The following HTT variants were observed in gnomAD, a reference collection of about 807,000 sequenced individuals.
HTT encodes the protein huntingtin.
In HTT, 104 loss-of-function variants were observed where a neutral mutation model predicts 362.3. The ratio of observed to expected loss-of-function variants is 0.29; its 90% confidence interval spans 0.24 to 0.34. The LOEUF (loss-of-function observed/expected upper bound fraction) is 0.34, where lower values mean the gene tolerates loss of function less well. Among genes scored for constraint, HTT ranks in the 10% least tolerant of loss-of-function variants. The probability of loss-of-function intolerance (pLI) is 1.00; values close to 1 mark genes in which losing one functional copy is unlikely to be tolerated. For missense variants in HTT, 3,301 were observed against 3,928.6 expected, an observed-to-expected ratio of 0.84 and a Z score of 4.27; for synonymous variants, 1,577 against 1,548.7, an observed-to-expected ratio of 1.02 and a Z score of -0.43.
At chr4:3,080,625 T>A (rs1165301615) in intron 1 of HTT, among the ~76,000 whole-genome samples, 4 of 152,252 alleles carry the variant, frequency 2.6e-5, no homozygotes. Context: ...GTTTATCTAT[T>A]TTGTCTTTGG....
rs573478599 is a variant in HTT, at chr4:3,229,991, C to A, written c.8214C>A (p.Leu2738=). 3.1e-5 allele frequency: 50 copies of A among 1,614,016 alleles called. No homozygotes were observed. The highest frequency in any genetic ancestry group is 4.2e-5 in the Non-Finnish European group (49 of 1,179,866). ...TGCACCCTTCAGAAGACGAGATCCT[C>A]GCTCAGTACCTGGTGCCTGCCACCT... The part of the protein sequence containing the change: ...RRVHPSEDEI[L]AQYLVPATCK... Residue 2738 remains leucine, a synonymous_variant, in exon 60 of 67, where the codon CTC becomes CTA. Transcript: ENST00000355072.
chr4:3,171,896 A>G (rs1717997151), intron 29 of HTT, among the ~76,000 whole-genome samples: 1 of 152,228 alleles, frequency 6.6e-6, no homozygotes. Flanking sequence ...AGATTATTTT[A>G]AGACAATTCT....
At chr4:3,195,414 C>G (rs1309234075) in intron 40 of HTT, among the ~76,000 whole-genome samples, 2 of 152,166 alleles carry the variant, frequency 1.3e-5, no homozygotes, top group African/African-American at 4.8e-5. Context: ...ATCCGCCTTC[C>G]TGCCCGCCTC....
At chr4:3,174,409 C>T (rs976685037) in intron 31 of HTT, among the ~76,000 whole-genome samples, 1 of 152,188 alleles carries the variant, frequency 6.6e-6, no homozygotes, top group African/African-American at 2.4e-5. Context: ...TGACCTTCAC[C>T]TTTCTCTCAA....
At chr4:3,105,814 A>G (rs1372016782) in intron 5 of HTT, among the ~76,000 whole-genome samples, 2 of 152,228 alleles carry the variant, frequency 1.3e-5, no homozygotes, top group Non-Finnish European at 1.5e-5. Context: ...ATTGCTGACT[A>G]TAGGAGTTAT....
Position 3,135,909 on chromosome 4 carries a change from T to C in HTT, c.2639T>C (p.Val880Ala). 6.2e-7 allele frequency: 1 copy of C among 1,602,098 alleles called. No homozygotes were observed. The highest frequency in any genetic ancestry group is 2.3e-5 in the East Asian group (1 of 44,312). Residue 880 changes from valine (V) to alanine (A), a missense_variant, in exon 20 of 67, where the codon GTG (valine) becomes GCG (alanine). By Grantham distance (64) the Val-to-Ala change is moderately conservative (BLOSUM62 0). This residue lies in a region of HTT where 2,316 missense variants were observed against 2,658.5 expected (regional missense o/e 0.87). Coordinates refer to ENST00000355072, the MANE Select transcript of HTT (RefSeq NM_001388492.1). Reference protein sequence around the residue: ...ETLAEIDFRLVSFLEAKAENL... With the variant: ...ETLAEIDFRLASFLEAKAENL... ...TAAATGTGCTCTTTTGTTAGGCTGG[T>C]GAGCTTTTTGGAGGCAAAAGCAGAA...
At position 3,243,147 on chromosome 4, in the gene HTT, T is replaced by C. The variant is rs570216430; in HGVS notation, c.*3088T>C. On this transcript the variant is annotated 3_prime_UTR_variant, in exon 67 of 67. Transcript: ENST00000355072. ...AGCCCCACGTGGAGCTCGGGACGGA[T>C]AGTAGACAGCAATAACTCGGTGTGT... The C allele has an allele frequency of 6.6e-6, 1 of 152,658 alleles. No homozygotes were observed. The highest frequency in any genetic ancestry group is 6.5e-5 in the Admixed American group (1 of 15,284). 9.5% of individuals were successfully genotyped at this position (152,658 alleles called of 1,614,324 possible). A position where few individuals can be genotyped will look rare whatever the true frequency, so the allele number is the denominator to read the frequency against.
intron 60 of HTT, among the ~76,000 whole-genome samples, chr4:3,231,330 G>C (rs1721237820): frequency 6.6e-6 from 1 of 152,142 alleles, no homozygotes; most frequent in Non-Finnish European, 1.5e-5. Flanking sequence ...TGTCATGACG[G>C]TGAATGATTT....
rs1720299333 is a variant in HTT, at chr4:3,214,406, T to G, written c.6952+271T>G. 2.6e-5 allele frequency among the ~76,000 whole-genome samples: 4 copies of G among 152,240 alleles called. No homozygotes were observed. In the South Asian group the frequency reaches 8.3e-4, roughly 32 times the overall value. On this transcript the variant is annotated intron_variant, in intron 50 of 66. Transcript: ENST00000355072. The stretch of plus-strand genomic sequence containing the variant: ...ATCAAAAATACCTCTAAACTTTATG[T>G]CTCTGTGATCTTTGGTCTTAGCTGT...
At chr4:3,128,724 T>A (rs1358356862) in intron 12 of HTT, 1 of 152,266 alleles carries the variant, frequency 6.6e-6, no homozygotes. Flanking sequence ...AAGTCCATGT[T>A]GAGTTTTATA....
At chr4:3,102,017 A>AGG (rs1001673347) in intron 3 of HTT, among the ~76,000 whole-genome samples, 13 of 152,328 alleles carry the variant, frequency 8.5e-5, no homozygotes, top group African/African-American at 2.6e-4. Flanking sequence ...GGTCAGGTCA[A>AGG]GGGGTTGTAC....
At chr4:3,153,352 A>C (rs919529707) in intron 26 of HTT, among the ~76,000 whole-genome samples, 8 of 152,158 alleles carry the variant, frequency 5.3e-5, no homozygotes, top group Non-Finnish European at 1.2e-4. Context: ...CATAACAAGC[A>C]CTTTTCTAAG....
intron 26 of HTT, among the ~76,000 whole-genome samples, chr4:3,153,285 A>G (rs1361904202): frequency 6.6e-6 from 1 of 152,080 alleles, no homozygotes. Flanking sequence ...TCCTAATACC[A>G]TCACCCTGGT....
At chr4:3,188,498 T>A in intron 39 of HTT, 1 of 165,466 alleles carries the variant, frequency 6.0e-6, no homozygotes, top group South Asian at 1.7e-4. Context: ...TAAGTGGCTG[T>A]GACTTCATGC....
Position 3,148,138 on chromosome 4 carries a change from T to G in HTT, c.3429T>G (p.Ser1143=). ...TGCCCATGGTGGAGCAGCTCTTCTC[T>G]CACCTGCTGAAGGTGATTAACATTT... ...ALVPMVEQLF[S]HLLKVINICA... The change falls in exon 26 of 67, where the codon TCT becomes TCG. Residue 1143 remains serine (S), a synonymous_variant. Coordinates refer to ENST00000355072, the MANE Select transcript of HTT (RefSeq NM_001388492.1). The G allele has an allele frequency of 6.2e-7, 1 of 1,613,592 alleles. No individual in the cohort carries two copies. The highest frequency in any genetic ancestry group is 8.5e-7 in the Non-Finnish European group (1 of 1,179,766).
intron 47 of HTT, 125 bp downstream of exon 47, chr4:3,210,074 G>A: frequency 8.1e-7 from 1 of 1,239,856 alleles, no homozygotes; most frequent in Non-Finnish European, 1.1e-6. Context: ...TCTGGGCAGG[G>A]ACGGGATGTC....
At chr4:3,223,733 A>T (rs763015237) in intron 55 of HTT, among the ~76,000 whole-genome samples, 173 bp downstream of exon 55, 1 of 152,226 alleles carries the variant, frequency 6.6e-6, no homozygotes, top group Admixed American at 6.5e-5. Context: ...CCTCCTGGTC[A>T]GTGAGAAGCT....
intron 1 of HTT, among the ~76,000 whole-genome samples, chr4:3,075,515 C>G (rs1020871482): frequency 1.1e-4 from 16 of 152,150 alleles, no homozygotes; most frequent in Non-Finnish European, 1.5e-4. Context: ...TGCCACTTCC[C>G]TCTTCTAGTC....
At position 3,228,799 on chromosome 4, in the gene HTT, A is replaced by T; in HGVS notation, c.7979+54A>T. The T allele has an allele frequency of 4.5e-6, 7 of 1,571,268 alleles. No homozygotes were observed. Among genetic ancestry groups the T allele is most frequent in the Non-Finnish European group, 5.2e-6 (6 of 1,153,978 alleles). ...AGAAATTTGAAATTTCTTATCAGTC[A>T]TTTGATTTGTTTGAGGTGCTTCTTG... On this transcript the variant is annotated intron_variant, in intron 58 of 66. Coordinates refer to ENST00000355072, the MANE Select transcript of HTT (RefSeq NM_001388492.1). This position sits in a 1 kb window ranked among gnomAD's most constrained non-coding sequence, Gnocchi z 4.3.
Sources: gnomAD v4.1 joint callset for allele counts (sites outside exome capture counted in the v4.1 genomes callset) on GRCh38, gnomAD v4.1.1 for gene constraint, gnomAD v4.1.1 regional missense constraint, Gnocchi (gnomAD v3.1) non-coding constraint, MANE v1.5 for transcripts, NCBI Gene and HGNC (gene_info 2026-07-23, HGNC 2026-07-21) for gene names.